The following OR8J3 variants were observed in gnomAD, a reference collection of about 807,000 sequenced individuals.
The protein encoded by OR8J3 is olfactory receptor 8J3.
For synonymous variants in OR8J3, 170 were observed against 142.6 expected, an observed-to-expected ratio of 1.19 and a Z score of -1.37; for missense variants, 418 against 379.8, an observed-to-expected ratio of 1.10 and a Z score of -0.84.
Position 56,136,703 on chromosome 11 carries a change from C to T in OR8J3, c.*68G>A, listed in dbSNP as rs1854332770. The T allele has an allele frequency of 2.3e-6, 2 of 852,112 alleles. No homozygotes were observed. Among genetic ancestry groups the T allele is most frequent in the Middle Eastern group, 3.0e-4 (1 of 3,312 alleles). 52.8% of individuals were successfully genotyped at this position (852,112 alleles called of 1,614,324 possible). On this transcript the variant is annotated 3_prime_UTR_variant, in exon 2 of 2. Transcript: ENST00000642058. ...ATTCTTAGGATTGCTTGTAAACTTA[C>T]TTTTATTTCTCTTACATAATGGCAG...
In OR8J3 at chr11:56,134,949, C is replaced by A. The variant is rs1854316096; in HGVS notation, c.*1822G>T. 6.6e-6 allele frequency: 1 copy of A among 151,846 alleles called. No homozygotes were observed. Among genetic ancestry groups the A allele is most frequent in the African/African-American group, 2.4e-5 (1 of 41,368 alleles). The allele number at this position is 151,846 out of a possible 1,614,324, so 9.4% of individuals were successfully genotyped here. On this transcript the variant is annotated 3_prime_UTR_variant, in exon 2 of 2. Transcript: ENST00000642058. ...TCATTTATTATCGCACTAGGTAAAC[C>A]AATGATTTTTCAACTGATAAACTTT...
rs1163591332 is a variant in OR8J3, at chr11:56,137,163, C to T, written c.556G>A (p.Ala186Thr). ...HFYCDIAPLLALSCSDTYIPE... is the reference protein window; with the variant it reads ...HFYCDIAPLLTLSCSDTYIPE... Reference sequence around the variant, plus strand: ...ATGTAAGTATCAGAGCAAGATAATGCTAACAGAGGTGCAATATCACAGTAA... The same window carrying T: ...ATGTAAGTATCAGAGCAAGATAATGTTAACAGAGGTGCAATATCACAGTAA... Residue 186 changes from alanine (A) to threonine (T), a missense_variant, in exon 2 of 2, where the codon GCA becomes ACA. Transcript: ENST00000642058. 1 of 1,613,394 alleles carries T rather than the reference C, an allele frequency of 6.2e-7. No homozygotes were observed. Among genetic ancestry groups the T allele is most frequent in the African/African-American group, 1.3e-5 (1 of 74,824 alleles).
rs1854329605 is a variant in OR8J3, at chr11:56,136,334, TTTG to T, written c.*434_*436del. On this transcript the variant is annotated 3_prime_UTR_variant, in exon 2 of 2. Coordinates refer to ENST00000642058, the MANE Select transcript of OR8J3 (RefSeq NM_001004064.2). ...TTTTAAATATTATTGTCAGTTCAAA[TTTG>T]TTAACTTTGTTGTAAAAATGATTTT... is the stretch of plus-strand genomic sequence containing the variant. The T allele has an allele frequency of 6.6e-6, 1 of 152,242 alleles. No homozygotes were observed. Among genetic ancestry groups the T allele is most frequent in the Non-Finnish European group, 1.5e-5 (1 of 68,088 alleles). The allele number at this position is 152,242 out of a possible 1,614,324, so 9.4% of individuals were successfully genotyped here. A position where few individuals can be genotyped will look rare whatever the true frequency, so the allele number is the denominator to read the frequency against.
Position 56,137,884 on chromosome 11 carries a change from AT to A in OR8J3, c.-167del. The A allele has an allele frequency of 1.6e-6, 1 of 615,682 alleles. No homozygotes were observed. The highest frequency in any genetic ancestry group is 2.8e-6 in the Non-Finnish European group (1 of 362,012). The allele number at this position is 615,682 out of a possible 1,614,324, so 38.1% of individuals were successfully genotyped here. A position where few individuals can be genotyped will look rare whatever the true frequency, so the allele number is the denominator to read the frequency against. On this transcript the variant is annotated 5_prime_UTR_variant, in exon 2 of 2. Coordinates refer to ENST00000642058, the MANE Select transcript of OR8J3 (RefSeq NM_001004064.2). ...TATTAAACTCAGTATTCTCAGTCTA[AT>A]AAATCAGCTTTGCAATCACTTGGGA...
chr11:56,139,001 G>T (rs763484108), intron 1 of OR8J3, among the ~76,000 whole-genome samples: 1 of 151,792 alleles, frequency 6.6e-6, no homozygotes. Flanking sequence ...GGGTTTTTAT[G>T]ATAATTATGT....
Position 56,137,592 on chromosome 11 carries a change from G to T in OR8J3, c.127C>A (p.Leu43Met), listed in dbSNP as rs766685917. 1 of 1,614,202 alleles carries T rather than the reference G, an allele frequency of 6.2e-7. No individual in the cohort carries two copies. ...ACACTGGTGAGGGTGATGATGCCCA[G>T]GTTCCCTGCCATGGTCAGCACATAG... ...VLYVLTMAGN[L>M]GIITLTSVDS... The change falls in exon 2 of 2, where the codon CTG (leucine) becomes ATG (methionine). Residue 43 changes from leucine (L) to methionine (M), a missense_variant. Transcript: ENST00000642058.
rs1854317360 is a variant in OR8J3, at chr11:56,135,075, C to T, written c.*1696G>A. On this transcript the variant is annotated 3_prime_UTR_variant, in exon 2 of 2. Transcript: ENST00000642058. Reference sequence around the variant, plus strand: ...ATTATATTTCATTTGTCATATTTGGCTACAAACAATTTTATGGTCTTCTAG... The same window carrying T: ...ATTATATTTCATTTGTCATATTTGGTTACAAACAATTTTATGGTCTTCTAG... 1.3e-5 allele frequency: 2 copies of T among 151,880 alleles called. No individual in the cohort carries two copies. The highest frequency in any genetic ancestry group is 1.3e-4 in the Admixed American group (2 of 15,250). 9.4% of individuals were successfully genotyped at this position (151,880 alleles called of 1,614,324 possible). A position where few individuals can be genotyped will look rare whatever the true frequency, so the allele number is the denominator to read the frequency against.
In OR8J3 at chr11:56,137,079, C is replaced by T. The variant is rs755909549; in HGVS notation, c.640G>A (p.Val214Ile). The change falls in exon 2 of 2, where the codon GTT becomes ATT. Residue 214 changes from valine (V) to isoleucine (I), a missense_variant. Transcript: ENST00000642058. ...ACAATATTGAAATAAGATACTAGAA[C>T]TGTAATCATGGAAAAAACCAAATTT... The part of the protein sequence containing the change: ...ATNLVFSMIT[V>I]LVSYFNIVLS... 26 of 1,613,550 alleles carry T rather than the reference C, an allele frequency of 1.6e-5. No homozygotes were observed. Among genetic ancestry groups the T allele is most frequent in the Non-Finnish European group, 1.9e-5 (23 of 1,179,928 alleles).
At position 56,137,292 on chromosome 11, in the gene OR8J3, G is replaced by A. The variant is rs749528854; in HGVS notation, c.427C>T (p.Leu143=). Residue 143 remains leucine, a synonymous_variant, in exon 2 of 2, where the codon CTG becomes TTG. Transcript: ENST00000642058. The part of the protein sequence containing the change: ...MVVVSRRLCL[L]LVSLTYLYGF... ...TAGAGGTATGTGAGGGACACCAGCA[G>A]GAGGCAGAGCCGCCGAGACACCACC... is the stretch of plus-strand genomic sequence containing the variant. 7 of 1,613,964 alleles carry A rather than the reference G, an allele frequency of 4.3e-6. No homozygotes were observed. The African/African-American group carries it at 5.3e-5, about 12-fold the overall frequency.
At chr11:56,138,624 G>C (rs1345231056) in intron 1 of OR8J3, 127 bp from the exon 2 acceptor site, 1 of 151,180 alleles carries the variant, frequency 6.6e-6, no homozygotes, top group Non-Finnish European at 1.5e-5. Context: ...GCAGTGAGCC[G>C]AGATTGCGCC....
intron 1 of OR8J3, among the ~76,000 whole-genome samples, chr11:56,139,123 T>A (rs1314336444): frequency 6.6e-6 from 1 of 152,184 alleles, no homozygotes; most frequent in Non-Finnish European, 1.5e-5. Context: ...ATTCATGTCC[T>A]GTTGGAGTCA....
rs925431164 is a variant in OR8J3 at position 56,138,008 on chromosome 11, G to A, written c.-290C>T. 3 of 348,846 alleles carry A rather than the reference G, an allele frequency of 8.6e-6. No individual in the cohort carries two copies. The highest frequency in any genetic ancestry group is 6.2e-5 in the South Asian group (1 of 16,002). 21.6% of individuals were successfully genotyped at this position (348,846 alleles called of 1,614,324 possible). A position where few individuals can be genotyped will look rare whatever the true frequency, so the allele number is the denominator to read the frequency against. The stretch of plus-strand genomic sequence containing the variant: ...GGGTTTACTGCCTTGCAGTGTAATT[G>A]AATTAAGAATATGTTCTTAGCTTAC... On this transcript the variant is annotated 5_prime_UTR_variant, in exon 2 of 2. Coordinates refer to ENST00000642058, the MANE Select transcript of OR8J3 (RefSeq NM_001004064.2).
chr11:56,137,620 C>A lies in OR8J3; in HGVS notation c.99G>T (p.Val33=). ...LQIPLFLVFL[V]LYVLTMAGNL... ...TCCCTGCCATGGTCAGCACATAGAG[C>A]ACTAGGAAGACCAGGAAGAGGGGAA... Residue 33 remains valine, a synonymous_variant, in exon 2 of 2, where the codon GTG becomes GTT. Coordinates refer to ENST00000642058, the MANE Select transcript of OR8J3 (RefSeq NM_001004064.2). The A allele has an allele frequency of 1.9e-6, 3 of 1,614,142 alleles. No homozygotes were observed. Among genetic ancestry groups the A allele is most frequent in the Non-Finnish European group, 2.5e-6 (3 of 1,180,030 alleles).
chr11:56,137,593 G>A lies in OR8J3; in HGVS notation c.126C>T (p.Asn42=), dbSNP rs751740735. 2 of 1,614,070 alleles carry A rather than the reference G, an allele frequency of 1.2e-6. No individual in the cohort carries two copies. Among genetic ancestry groups the A allele is most frequent in the Non-Finnish European group, 1.7e-6 (2 of 1,180,044 alleles). Residue 42 remains asparagine, a synonymous_variant, in exon 2 of 2, where the codon AAC becomes AAT. Coordinates refer to ENST00000642058, the MANE Select transcript of OR8J3 (RefSeq NM_001004064.2). ...CACTGGTGAGGGTGATGATGCCCAG[G>A]TTCCCTGCCATGGTCAGCACATAGA... The part of the protein sequence containing the change: ...LVLYVLTMAG[N]LGIITLTSVD...
Position 56,136,918 on chromosome 11 carries a change from T to G in OR8J3, c.801A>C (p.Ser267=). Residue 267 remains serine, a synonymous_variant, in exon 2 of 2, where the codon TCA becomes TCC. Transcript: ENST00000642058. The part of the protein sequence containing the change: ...FMYLQPQTNH[S]LDTDKMASVF... ...CAGAAGCCATCTTATCAGTATCCAGTGAGTGGTTGGTTTGGGGCTGCAAAT... is the reference window on the plus strand; with the variant it reads ...CAGAAGCCATCTTATCAGTATCCAGGGAGTGGTTGGTTTGGGGCTGCAAAT... The G allele has an allele frequency of 6.2e-7, 1 of 1,614,046 alleles. No homozygotes were observed. Among genetic ancestry groups the G allele is most frequent in the Non-Finnish European group, 8.5e-7 (1 of 1,179,980 alleles).
chr11:56,137,437 G>T lies in OR8J3; in HGVS notation c.282C>A (p.Phe94Leu). 1.4e-5 allele frequency: 22 copies of T among 1,614,226 alleles called. No individual in the cohort carries two copies. The highest frequency in any genetic ancestry group is 1.6e-5 in the Non-Finnish European group (19 of 1,180,042). ...CTCCCAGTTGGGTGGCACATTCATA[G>T]AATGAGGTAGTTTTCTTCTTTACTA... is the stretch of plus-strand genomic sequence containing the variant. ...NFLVKKKTTS[F>L]YECATQLGGF... The change falls in exon 2 of 2, where the codon TTC becomes TTA. Residue 94 changes from phenylalanine to leucine, a missense_variant. Phe to Leu is a conservative substitution (Grantham distance 22). Coordinates refer to ENST00000642058, the MANE Select transcript of OR8J3 (RefSeq NM_001004064.2).
rs1381881345 is a variant in OR8J3, at chr11:56,137,617, G to A, written c.102C>T (p.Leu34=). Residue 34 remains leucine (L), a synonymous_variant, in exon 2 of 2, where the codon CTC becomes CTT. Coordinates refer to ENST00000642058, the MANE Select transcript of OR8J3 (RefSeq NM_001004064.2). ...GGTTCCCTGCCATGGTCAGCACATA[G>A]AGCACTAGGAAGACCAGGAAGAGGG... ...QIPLFLVFLV[L]YVLTMAGNLG... is the part of the protein sequence containing the mutation. 6.8e-6 allele frequency: 11 copies of A among 1,614,192 alleles called. No individual in the cohort carries two copies. The East Asian group carries it at 8.9e-5, about 13-fold the overall frequency.
In OR8J3 at chr11:56,137,309, G is replaced by T; in HGVS notation, c.410C>A (p.Ser137Tyr). 2 of 1,614,030 alleles carry T rather than the reference G, an allele frequency of 1.2e-6. No individual in the cohort carries two copies. Among genetic ancestry groups the T allele is most frequent in the Non-Finnish European group, 1.7e-6 (2 of 1,179,994 alleles). Residue 137 changes from serine to tyrosine, a missense_variant, in exon 2 of 2, where the codon TCT (serine) becomes TAT (tyrosine). Transcript: ENST00000642058. The part of the protein sequence containing the change: ...CNPLLYMVVV[S>Y]RRLCLLLVSL... Reference sequence around the variant, plus strand: ...CACCAGCAGGAGGCAGAGCCGCCGAGACACCACCACCATGTAGAGCAGAGG... The same window carrying T: ...CACCAGCAGGAGGCAGAGCCGCCGATACACCACCACCATGTAGAGCAGAGG...
Position 56,137,214 on chromosome 11 carries a change from A to T in OR8J3, c.505T>A (p.Cys169Ser). The change falls in exon 2 of 2, where the codon TGC becomes AGC. Residue 169 changes from cysteine to serine, a missense_variant. Cys to Ser is a moderately radical substitution (Grantham distance 112). Transcript: ENST00000642058. ...AAATGATTGATTATATTAGAAGAGC[A>T]ATAAGACACAGAGAATATACAAGGT... ...VSPCIFSVSY[C>S]SSNIINHFYC... 6.2e-7 allele frequency: 1 copy of T among 1,614,106 alleles called. No homozygotes were observed. The highest frequency in any genetic ancestry group is 2.2e-5 in the East Asian group (1 of 44,882).
Sources: allele counts gnomAD v4.1 joint callset (sites outside exome capture counted in the v4.1 genomes callset), GRCh38; gene constraint gnomAD v4.1.1; transcripts MANE v1.5; gene names NCBI Gene and HGNC (gene_info 2026-07-23, HGNC 2026-07-21).